OXNAD1: variants seen among roughly 807,000 people sequenced by gnomAD.
OXNAD1 encodes the protein oxidoreductase NAD-binding domain-containing protein 1.
In OXNAD1, 34 loss-of-function variants were observed where a neutral mutation model predicts 32.9. That is an observed-to-expected ratio of 1.03 (90% CI 0.79 to 1.38). The LOEUF is 1.38. OXNAD1 is among the 40% of genes most tolerant of loss of function. The probability of loss-of-function intolerance (pLI) is 0.00; values close to 1 mark genes in which losing one functional copy is unlikely to be tolerated. For synonymous variants in OXNAD1, 134 were observed against 135.2 expected, an observed-to-expected ratio of 0.99 and a Z score of 0.06; for missense variants, 407 against 379.4, an observed-to-expected ratio of 1.07 and a Z score of -0.60.
At chr3:16,330,220 A>G (rs926374166) in intron 9 of OXNAD1, among the ~76,000 whole-genome samples, 5 of 152,210 alleles carry the variant, frequency 3.3e-5, no homozygotes, top group African/African-American at 1.2e-4. Flanking sequence ...CAAGTAAAAT[A>G]CAAATGGTAG....
rs145338863 is a variant in OXNAD1 at position 16,335,205 on chromosome 3, A to G, written c.*31-1907A>G. 3.4e-3 allele frequency among the ~76,000 whole-genome samples: 523 copies of G among 152,310 alleles called. 4 individuals carry two copies. The highest frequency in any genetic ancestry group is 0.012 in the African/African-American group (503 of 41,568). The stretch of plus-strand genomic sequence containing the variant: ...AGCTCAGGGCCAGGAAAAGGCTGGG[A>G]TGGGGATAAACACTTGGAGGTGCTG... On this transcript the variant is annotated intron_variant, in intron 9 of 9. Transcript: ENST00000435829. The surrounding 1 kb of genome is among the most constrained non-coding windows in gnomAD (Gnocchi z 4.7).
rs566384591 is a variant in OXNAD1 at position 16,282,400 on chromosome 3, C to T, written c.184-3942C>T. Among the ~76,000 whole-genome samples, 41 of 151,950 alleles carry T rather than the reference C, an allele frequency of 2.7e-4. No individual in the cohort carries two copies. In the Middle Eastern group the frequency reaches 0.01, roughly 38 times the overall value. On this transcript the variant is annotated intron_variant, in intron 4 of 8. Coordinates refer to ENST00000285083, the MANE Select transcript of OXNAD1 (RefSeq NM_138381.5). ...AAAAAAAAGTGCTCCTGCATTTCTACCAATCTTTGTTCTGAAAAACCATTT... is the reference window on the plus strand; with the variant it reads ...AAAAAAAAGTGCTCCTGCATTTCTATCAATCTTTGTTCTGAAAAACCATTT...
At chr3:16,306,953 C>T (rs146743513), downstream of OXNAD1, among the ~76,000 whole-genome samples, 36 of 152,196 alleles carry the variant, frequency 2.4e-4, no homozygotes, top group Middle Eastern at 3.4e-3. Context: ...TTTTAGCAGC[C>T]ATTGATCATT....
Position 16,302,299 on chromosome 3 carries a change from G to C in OXNAD1, c.676-341G>C. 6.6e-6 allele frequency among the ~76,000 whole-genome samples: 1 copy of C among 152,200 alleles called. No homozygotes were observed. The highest frequency in any genetic ancestry group is 1.9e-4 in the East Asian group (1 of 5,198). On this transcript the variant is annotated intron_variant, in intron 7 of 8. Transcript: ENST00000285083. The surrounding 1 kb of genome is among the most constrained non-coding windows in gnomAD (Gnocchi z 4.2). ...GAAAGCTTTCACTGGGGATTGCTTT[G>C]CAGCTGCAGGAATGAACAAAAGAAC...
Position 16,301,457 on chromosome 3 carries a change from A to G in OXNAD1, c.433-169A>G, listed in dbSNP as rs1206410353. Among the ~76,000 whole-genome samples the G allele has an allele frequency of 1.3e-5, 2 of 152,244 alleles. No homozygotes were observed. Among genetic ancestry groups the G allele is most frequent in the Admixed American group, 6.5e-5 (1 of 15,288 alleles). On this transcript the variant is annotated intron_variant, in intron 6 of 8. Transcript: ENST00000285083. The surrounding 1 kb of genome is among the most constrained non-coding windows in gnomAD (Gnocchi z 4.1). ...GGTGGATTAGCCTGTGGCCTATAAA[A>G]TGAGCAAGTGGAATCAATTCACAGG...
chr3:16,291,590 T>C (rs1169093261), intron 5 of OXNAD1, among the ~76,000 whole-genome samples: 1 of 152,260 alleles, frequency 6.6e-6, no homozygotes, highest in East Asian at 1.9e-4. Context: ...CCTGTATCAG[T>C]ACTTCATTCC....
chr3:16,307,915 GTTTTT>G (rs926961436), downstream of OXNAD1, among the ~76,000 whole-genome samples: 3 of 152,140 alleles, frequency 2.0e-5, no homozygotes, highest in Non-Finnish European at 4.4e-5. Flanking sequence ...AGTTTGTTCT[GTTTTT>G]TTAAGAGGAG....
In OXNAD1 at chr3:16,334,983, C is replaced by G. The variant is rs1479059946; in HGVS notation, c.*31-2129C>G. 2.0e-5 allele frequency among the ~76,000 whole-genome samples: 3 copies of G among 152,162 alleles called. No individual in the cohort carries two copies. Among genetic ancestry groups the G allele is most frequent in the Non-Finnish European group, 4.4e-5 (3 of 68,034 alleles). The stretch of plus-strand genomic sequence containing the variant: ...ACGAGCCAAGGAACATGGGCAGCTT[C>G]CAGAAGCTGGCAATGGTCGGTAACA... On this transcript the variant is annotated intron_variant, in intron 9 of 9. Transcript: ENST00000435829. The surrounding 1 kb of genome is among the most constrained non-coding windows in gnomAD (Gnocchi z 4.3).
At position 16,294,940 on chromosome 3, in the gene OXNAD1, GAT is replaced by G. The variant is rs1185041398; in HGVS notation, c.377_378del (p.Ile126ArgfsTer22). ...CCAGACTGCTAGAACAAGAGAGAGTGATAGAATTGGCAGTGAAATATACGAAC... is the reference window on the plus strand; with the variant it reads ...CCAGACTGCTAGAACAAGAGAGAGTGAGAATTGGCAGTGAAATATACGAAC... The part of the protein sequence containing the change: ...SPRLLEQERV[I>X]ELAVKYTNHP... On this transcript the variant is annotated frameshift_variant, in exon 6 of 9. Coordinates refer to ENST00000285083, the MANE Select transcript of OXNAD1 (RefSeq NM_138381.5). LOFTEE classifies it high-confidence loss of function. The G allele has an allele frequency of 1.2e-6, 2 of 1,613,106 alleles. No homozygotes were observed. Among genetic ancestry groups the G allele is most frequent in the Non-Finnish European group, 1.7e-6 (2 of 1,179,574 alleles).
chr3:16,311,234 C>T (rs1206601206), intron 9 of OXNAD1, among the ~76,000 whole-genome samples: 1 of 149,220 alleles, frequency 6.7e-6, no homozygotes. Context: ...TGCTCTGTCA[C>T]CTAGGCTGGA....
Position 16,303,282 on chromosome 3 carries a change from G to A in OXNAD1, c.785-126G>A. The A allele has an allele frequency of 1.8e-6, 2 of 1,115,410 alleles. No individual in the cohort carries two copies. The highest frequency in any genetic ancestry group is 4.3e-5 in the Admixed American group (2 of 46,024). The allele number at this position is 1,115,410 out of a possible 1,614,324, so 69.1% of individuals were successfully genotyped here. ...TGCCAATAGGAGCCATACTGTGAAT[G>A]GCTTAAGAAGACTAGACTCACTGAA... is the stretch of plus-strand genomic sequence containing the variant. On this transcript the variant is annotated intron_variant, in intron 8 of 8. Coordinates refer to ENST00000285083, the MANE Select transcript of OXNAD1 (RefSeq NM_138381.5). The surrounding 1 kb of genome is among the most constrained non-coding windows in gnomAD (Gnocchi z 4.8).
intron 6 of OXNAD1, among the ~76,000 whole-genome samples, chr3:16,295,641 A>T (rs1173916817): frequency 6.6e-6 from 1 of 152,038 alleles, no homozygotes; most frequent in Non-Finnish European, 1.5e-5. Flanking sequence ...TTAGTTTTTG[A>T]CCCTTCTATC....
downstream of OXNAD1, among the ~76,000 whole-genome samples, chr3:16,338,170 CAGAA>C (rs1258574887): frequency 1.3e-5 from 2 of 152,216 alleles, no homozygotes; most frequent in Admixed American, 6.5e-5. This position sits in a 1 kb window ranked among gnomAD's most constrained non-coding sequence, Gnocchi z 5.3. Flanking sequence ...ACTTGGAAGG[CAGAA>C]AGAAGAAAGG....
intron 9 of OXNAD1, chr3:16,315,728 C>G (rs566223014): frequency 6.6e-6 from 1 of 152,348 alleles, no homozygotes; most frequent in East Asian, 1.9e-4. Context: ...TTGTCTTCCT[C>G]CACCACGTCA....
At chr3:16,279,754 A>G (rs1185903819) in intron 4 of OXNAD1, among the ~76,000 whole-genome samples, 1 of 152,138 alleles carries the variant, frequency 6.6e-6, no homozygotes, top group Non-Finnish European at 1.5e-5. Flanking sequence ...TCATCACTGG[A>G]TTTACCAAAG....
chr3:16,269,618 C>CT (rs2064788147), intron 2 of OXNAD1, among the ~76,000 whole-genome samples: 1 of 152,166 alleles, frequency 6.6e-6, no homozygotes, highest in Non-Finnish European at 1.5e-5. Flanking sequence ...TGCAAGCTCT[C>CT]TAAGAGAGTT....
chr3:16,327,192 C>T lies in OXNAD1; in HGVS notation c.*31-9920C>T, dbSNP rs690094. Reference sequence around the variant, plus strand: ...TGTGAGTTTCACTGACGAAGCATAACTGTCTCACCTCTGAGCGGTATCCAG... The same window carrying T: ...TGTGAGTTTCACTGACGAAGCATAATTGTCTCACCTCTGAGCGGTATCCAG... On this transcript the variant is annotated intron_variant, in intron 9 of 9. Coordinates refer to the OXNAD1 transcript ENST00000435829. This position sits in a 1 kb window ranked among gnomAD's most constrained non-coding sequence, Gnocchi z 4.2. Among the ~76,000 whole-genome samples, 89,573 of 151,418 alleles carry T rather than the reference C, an allele frequency of 0.59. 26,720 individuals are homozygous for T. Among genetic ancestry groups the T allele is most frequent in the African/African-American group, 0.68 (28,213 of 41,230 alleles).
Position 16,321,428 on chromosome 3 carries a change from C to G in OXNAD1, c.*31-15684C>G, listed in dbSNP as rs2069040774. On this transcript the variant is annotated intron_variant, in intron 9 of 9. Coordinates refer to the OXNAD1 transcript ENST00000435829. This position sits in a 1 kb window ranked among gnomAD's most constrained non-coding sequence, Gnocchi z 4.8. ...CAGGGAGTGGGGGTGGTCCCAACAT[C>G]CGGGCTGCAAGAGCTCAGGCATGAT... 6.6e-6 allele frequency among the ~76,000 whole-genome samples: 1 copy of G among 152,128 alleles called. No individual in the cohort carries two copies. The highest frequency in any genetic ancestry group is 1.5e-5 in the Non-Finnish European group (1 of 68,012).
chr3:16,329,638 C>T lies in OXNAD1; in HGVS notation c.*31-7474C>T, dbSNP rs1050264680. ...TGAAGGAGTCCTGAGGCTGCTTTAT[C>T]CTGAGAATCCCTGCCCCCATCCCCG... On this transcript the variant is annotated intron_variant, in intron 9 of 9. Coordinates refer to the OXNAD1 transcript ENST00000435829. This position sits in a 1 kb window ranked among gnomAD's most constrained non-coding sequence, Gnocchi z 4.5. Among the ~76,000 whole-genome samples the T allele has an allele frequency of 6.6e-6, 1 of 152,170 alleles. No individual in the cohort carries two copies. The highest frequency in any genetic ancestry group is 1.5e-5 in the Non-Finnish European group (1 of 68,020).
Sources: gnomAD v4.1 joint callset for allele counts (sites outside exome capture counted in the v4.1 genomes callset) on GRCh38, gnomAD v4.1.1 for gene constraint, Gnocchi (gnomAD v3.1) non-coding constraint, MANE v1.5 for transcripts, NCBI Gene and HGNC (gene_info 2026-07-23, HGNC 2026-07-21) for gene names.